The following KCTD1 variants were observed in gnomAD, a reference collection of about 807,000 sequenced individuals.
The protein encoded by KCTD1 is BTB/POZ domain-containing protein KCTD1.
Under a neutral mutation model 66.0 loss-of-function variants are expected in KCTD1, and 24 were observed. The ratio of observed to expected loss-of-function variants is 0.36; its 90% confidence interval spans 0.26 to 0.51. The LOEUF is 0.51. Among genes scored for constraint, KCTD1 ranks in the 20% least tolerant of loss-of-function variants. The pLI is 0.95. For synonymous variants in KCTD1, 511 were observed against 517.2 expected, an observed-to-expected ratio of 0.99 and a Z score of 0.16; for missense variants, 943 against 1,205.2, an observed-to-expected ratio of 0.78 and a Z score of 3.22.
At chr18:26,577,502 A>G (rs981533639) in intron 1 of KCTD1, among the ~76,000 whole-genome samples, 1 of 151,678 alleles carries the variant, frequency 6.6e-6, no homozygotes, top group Non-Finnish European at 1.5e-5. Flanking sequence ...TTTCTTTTCA[A>G]TGTGATTATT....
chr18:26,655,435 TACAC>T (rs10631197), intron 1 of KCTD1, among the ~76,000 whole-genome samples: 6 of 150,758 alleles, frequency 4.0e-5, no homozygotes, highest in Non-Finnish European at 7.4e-5. Context: ...CCACTCAGGA[TACAC>T]ACACACACAC....
intron 1 of KCTD1, among the ~76,000 whole-genome samples, chr18:26,560,042 A>G (rs546508621): frequency 2.6e-5 from 4 of 152,082 alleles, no homozygotes; most frequent in Non-Finnish European, 5.9e-5. Flanking sequence ...GATTCTCAAC[A>G]TTGGCTATAT....
At chr18:26,567,711 AC>A (rs1986016478) in intron 1 of KCTD1, among the ~76,000 whole-genome samples, 1 of 150,992 alleles carries the variant, frequency 6.6e-6, no homozygotes, top group Non-Finnish European at 1.5e-5. Context: ...CTGGTCTCTA[AC>A]TCCTAACTTC....
intron 1 of KCTD1, among the ~76,000 whole-genome samples, chr18:26,533,421 CAA>C (rs1984542232): frequency 6.6e-6 from 1 of 152,182 alleles, no homozygotes; most frequent in Admixed American, 6.5e-5. Context: ...CACTTTATTA[CAA>C]AGAGTGTTAC....
intron 1 of KCTD1, among the ~76,000 whole-genome samples, chr18:26,646,349 C>T (rs771948511): frequency 3.6e-4 from 55 of 151,938 alleles, no homozygotes; most frequent in Non-Finnish European, 6.0e-4. Context: ...CATCCTTTGA[C>T]GGAGGCACCA....
Position 26,455,587 on chromosome 18 carries a change from T to A in KCTD1, c.*156A>T. The A allele has an allele frequency of 1.4e-6, 1 of 704,888 alleles. No individual in the cohort carries two copies. The highest frequency in any genetic ancestry group is 2.3e-6 in the Non-Finnish European group (1 of 427,296). The allele number at this position is 704,888 out of a possible 1,614,324, so 43.7% of individuals were successfully genotyped here. ...TATCACTATTCCAATTGTTCCCATA[T>A]GAATACAGGTGTGGTCTCTATTGGA... On this transcript the variant is annotated 3_prime_UTR_variant, in exon 5 of 5. Coordinates refer to ENST00000580059, the MANE Select transcript of KCTD1 (RefSeq NM_001142730.3).
chr18:26,632,134 C>T (rs1987634115), upstream of KCTD1, among the ~76,000 whole-genome samples: 1 of 151,854 alleles, frequency 6.6e-6, no homozygotes, highest in African/African-American at 2.4e-5. Context: ...CCTGTAATCC[C>T]CGCACTTTGG....
chr18:26,599,330 G>A (rs1986837486), intron 1 of KCTD1: 11 of 1,338,772 alleles, frequency 8.2e-6, no homozygotes, highest in South Asian at 5.1e-5. Flanking sequence ...GGGAGAAGCC[G>A]GGAGCGAGCC....
chr18:26,655,067 G>C (rs1465324350), intron 1 of KCTD1, among the ~76,000 whole-genome samples: 1 of 152,188 alleles, frequency 6.6e-6, no homozygotes, highest in African/African-American at 2.4e-5. Flanking sequence ...CATATATGTA[G>C]GTGAATTCCT....
At chr18:26,532,253 CT>C (rs1984470975) in intron 1 of KCTD1, among the ~76,000 whole-genome samples, 2 of 97,996 alleles carry the variant, frequency 2.0e-5, no homozygotes, top group Non-Finnish European at 4.1e-5. Context: ...TTTTTCTTTT[CT>C]TTCCTTCTTT....
intron 1 of KCTD1, among the ~76,000 whole-genome samples, chr18:26,582,228 G>A (rs1162072130): frequency 2.6e-5 from 4 of 151,014 alleles, no homozygotes; most frequent in African/African-American, 7.3e-5. Context: ...AGCCAAGACC[G>A]TGCCACTGCA....
At chr18:26,656,121 G>T (rs1988131217) in intron 1 of KCTD1, among the ~76,000 whole-genome samples, 1 of 152,170 alleles carries the variant, frequency 6.6e-6, no homozygotes, top group Non-Finnish European at 1.5e-5. Context: ...CCACCTCTGC[G>T]CCCCGAGCGC....
chr18:26,656,282 C>A (rs1568023000), intron 1 of KCTD1, among the ~76,000 whole-genome samples: 1 of 152,124 alleles, frequency 6.6e-6, no homozygotes, highest in Non-Finnish European at 1.5e-5. Context: ...ACAGCCATTA[C>A]CTGCAGCGCT....
intron 2 of KCTD1, among the ~76,000 whole-genome samples, chr18:26,500,517 C>T (rs547035160): frequency 6.6e-6 from 1 of 152,262 alleles, no homozygotes; most frequent in African/African-American, 2.4e-5. Flanking sequence ...AAATCACTCT[C>T]CATCTTTAAA....
At chr18:26,628,960 A>G (rs1009334113) in intron 1 of KCTD1, among the ~76,000 whole-genome samples, 1 of 152,202 alleles carries the variant, frequency 6.6e-6, no homozygotes, top group African/African-American at 2.4e-5. Context: ...TCTGCAAGGC[A>G]TGTGTATTTG....
chr18:26,597,653 T>A (rs1341542372), intron 1 of KCTD1, among the ~76,000 whole-genome samples: 3 of 132,444 alleles, frequency 2.3e-5, no homozygotes, highest in Non-Finnish European at 4.7e-5. Context: ...TACTGAGGTC[T>A]TGGTGTTTTT....
At chr18:26,494,056 C>T (rs1982344345) in intron 2 of KCTD1, among the ~76,000 whole-genome samples, 1 of 152,098 alleles carries the variant, frequency 6.6e-6, no homozygotes, top group Admixed American at 6.6e-5. Context: ...ATGAGGAGCA[C>T]ACAGTAAGTC....
chr18:26,474,622 TA>T (rs147249583), intron 3 of KCTD1, among the ~76,000 whole-genome samples: 2,939 of 152,276 alleles, frequency 0.019, 87 homozygotes, highest in African/African-American at 0.067. Flanking sequence ...TGTTCATAGC[TA>T]AAAAAATTTT....
At chr18:26,613,435 T>C (rs188388869) in intron 1 of KCTD1, among the ~76,000 whole-genome samples, 120 of 152,304 alleles carry the variant, frequency 7.9e-4, no homozygotes, top group African/African-American at 2.7e-3. Flanking sequence ...TTTCTATCTG[T>C]CATTTTTGTC....
Sources: gnomAD v4.1 joint callset for allele counts (sites outside exome capture counted in the v4.1 genomes callset) on GRCh38, gnomAD v4.1.1 for gene constraint, MANE v1.5 for transcripts, NCBI Gene and HGNC (gene_info 2026-07-23, HGNC 2026-07-21) for gene names.